MEGF11: variants seen among roughly 807,000 people sequenced by gnomAD.
MEGF11 encodes multiple EGF like domains 11.
In MEGF11, 126 loss-of-function variants were observed where a neutral mutation model predicts 146.6. The observed-to-expected ratio is 0.86, with a 90% CI of 0.74 to 1.00. The LOEUF is 1.00. Among genes scored for constraint, MEGF11 ranks in the 50% least tolerant of loss-of-function variants. The pLI is 0.00. For missense variants in MEGF11, 1,509 were observed against 1,521.2 expected (o/e 0.99, Z 0.13); for synonymous variants, 532 against 583.4 (o/e 0.91, Z 1.27).
chr15:66,217,688 G>T (rs1024147419), intron 1 of MEGF11, among the ~76,000 whole-genome samples: 1 of 152,200 alleles, frequency 6.6e-6, no homozygotes, highest in Non-Finnish European at 1.5e-5. Context: ...GTGACATTAG[G>T]CCCCTTGTTT....
At chr15:65,981,946 C>T (rs1307204217) in intron 6 of MEGF11, among the ~76,000 whole-genome samples, 1 of 152,178 alleles carries the variant, frequency 6.6e-6, no homozygotes, top group Non-Finnish European at 1.5e-5. Context: ...AGTGCCCACT[C>T]GGGCAGTCTC....
rs74874009 is a variant in MEGF11 at position 66,020,104 on chromosome 15, T to C, written c.395-37616A>G. Among the ~76,000 whole-genome samples the C allele has an allele frequency of 4.8e-3, 726 of 152,302 alleles. 12 individuals are homozygous for C. The highest frequency in any genetic ancestry group is 0.017 in the African/African-American group (692 of 41,566). On this transcript the variant is annotated intron_variant, in intron 5 of 25. Coordinates refer to ENST00000395614, the MANE Select transcript of MEGF11 (RefSeq NM_001385028.1). ...GTCCTGTAGGTGGTCCTGTAGGAGG[T>C]TGATTCTACCCTTGTACAGCACAGG...
intron 13 of MEGF11, among the ~76,000 whole-genome samples, chr15:65,927,668 A>G (rs2079419275): frequency 6.6e-6 from 1 of 152,192 alleles, no homozygotes; most frequent in African/African-American, 2.4e-5. Flanking sequence ...AGGGGAAGGA[A>G]TGATCCAGGC....
chr15:65,934,951 C>T (rs78149701), intron 10 of MEGF11, among the ~76,000 whole-genome samples: 4 of 152,140 alleles, frequency 2.6e-5, no homozygotes, highest in Non-Finnish European at 4.4e-5. Context: ...TCCCTGAATT[C>T]TGTGAACCTC....
intron 5 of MEGF11, among the ~76,000 whole-genome samples, chr15:66,020,676 T>A (rs2083079518): frequency 6.6e-6 from 1 of 152,174 alleles, no homozygotes; most frequent in South Asian, 2.1e-4. Context: ...CCCAATTCCC[T>A]CACTCCTGGA....
At chr15:66,250,797 C>T (rs781627393) in intron 1 of MEGF11, among the ~76,000 whole-genome samples, 6 of 151,920 alleles carry the variant, frequency 3.9e-5, no homozygotes, top group Non-Finnish European at 8.8e-5. Flanking sequence ...GTCCCAGCTA[C>T]TTGGGAGGCT....
intron 1 of MEGF11, among the ~76,000 whole-genome samples, chr15:66,244,044 A>C (rs1403373283): frequency 6.6e-6 from 1 of 152,058 alleles, no homozygotes; most frequent in Admixed American, 6.6e-5. Flanking sequence ...AGCCACTTGA[A>C]CTCTTTAACA....
chr15:65,961,331 T>G (rs752284678), intron 9 of MEGF11, among the ~76,000 whole-genome samples: 12 of 152,202 alleles, frequency 7.9e-5, no homozygotes, highest in Non-Finnish European at 1.8e-4. Context: ...TAATCACAAG[T>G]TAATAGGAAC....
At chr15:66,001,219 C>T (rs533194056) in intron 5 of MEGF11, among the ~76,000 whole-genome samples, 1 of 152,184 alleles carries the variant, frequency 6.6e-6, no homozygotes, top group Non-Finnish European at 1.5e-5. Context: ...GCTGGAGTCC[C>T]CCCACACATC....
intron 5 of MEGF11, among the ~76,000 whole-genome samples, chr15:66,018,051 A>C (rs1357896661): frequency 6.6e-6 from 1 of 152,192 alleles, no homozygotes; most frequent in East Asian, 1.9e-4. Context: ...GGGAGCGGGG[A>C]GGAAGGGCAC....
At chr15:66,108,600 C>T (rs950746968) in intron 4 of MEGF11, among the ~76,000 whole-genome samples, 10 of 152,128 alleles carry the variant, frequency 6.6e-5, no homozygotes, top group African/African-American at 1.9e-4. Flanking sequence ...AAATGAGGGA[C>T]GGGCCATCTG....
At chr15:66,185,450 A>G (rs1168214876) in intron 1 of MEGF11, among the ~76,000 whole-genome samples, 5 of 152,020 alleles carry the variant, frequency 3.3e-5, no homozygotes, top group Admixed American at 3.3e-4. Flanking sequence ...GTTTGGATAT[A>G]ATCATTTCCT....
rs188407986 is a variant in MEGF11 at position 66,001,656 on chromosome 15, C to T, written c.395-19168G>A. Among the ~76,000 whole-genome samples the T allele has an allele frequency of 7.0e-3, 1,065 of 152,068 alleles. 3 individuals are homozygous for T. Among genetic ancestry groups the T allele is most frequent in the Non-Finnish European group, 9.0e-3 (609 of 68,010 alleles). On this transcript the variant is annotated intron_variant, in intron 5 of 25. Coordinates refer to ENST00000395614, the MANE Select transcript of MEGF11 (RefSeq NM_001385028.1). Reference sequence around the variant, plus strand: ...CCCACCTTTCTTTCTCTCTCATCTCCCCTCTCAATGGCTGGGTCCTGAAGA... The same window carrying T: ...CCCACCTTTCTTTCTCTCTCATCTCTCCTCTCAATGGCTGGGTCCTGAAGA...
intron 5 of MEGF11, among the ~76,000 whole-genome samples, chr15:65,988,528 A>T (rs541524834): frequency 1.3e-5 from 2 of 152,292 alleles, no homozygotes; most frequent in East Asian, 3.9e-4. Context: ...GATGACACTG[A>T]GTTGTTCCAC....
rs576277332 is a variant in MEGF11 at position 66,199,367 on chromosome 15, G to A, written c.-9+54238C>T. Among the ~76,000 whole-genome samples the A allele has an allele frequency of 5.3e-4, 81 of 152,210 alleles. No individual in the cohort carries two copies. In the South Asian group the frequency reaches 0.016, roughly 29 times the overall value. On this transcript the variant is annotated intron_variant, in intron 1 of 25. Coordinates refer to ENST00000395614, the MANE Select transcript of MEGF11 (RefSeq NM_001385028.1). Reference sequence around the variant, plus strand: ...CCTCTCCTCCCAGTCCTAGTGCCCTGGGTGTTTTTCTAGCCTCCACGTCCG... The same window carrying A: ...CCTCTCCTCCCAGTCCTAGTGCCCTAGGTGTTTTTCTAGCCTCCACGTCCG...
At chr15:66,045,995 C>T (rs374560281) in intron 5 of MEGF11, among the ~76,000 whole-genome samples, 82 of 152,146 alleles carry the variant, frequency 5.4e-4, no homozygotes, top group African/African-American at 2.0e-3. Flanking sequence ...CCCAGCTACT[C>T]GGGAGGCTGA....
chr15:65,928,553 ATG>A (rs771012596), intron 12 of MEGF11, 26 bp from the exon 13 acceptor site: 12 of 1,523,214 alleles, frequency 7.9e-6, no homozygotes, highest in Non-Finnish European at 1.1e-5. Flanking sequence ...GGAGAGAAAA[ATG>A]ATCAGACCCA....
chr15:65,912,003 G>A lies in MEGF11; in HGVS notation c.2829+79C>T, dbSNP rs74023605. On this transcript the variant is annotated intron_variant, in intron 21 of 25. Coordinates refer to ENST00000395614, the MANE Select transcript of MEGF11 (RefSeq NM_001385028.1). ...ATGGACCCTCCATGTGGCGGGGGGC[G>A]TGCAGTTCCTTCCTGGGCAGAGGTG... 1,058 of 760,230 alleles carry A rather than the reference G, an allele frequency of 1.4e-3. 11 individuals carry two copies. The African/African-American group carries it at 0.017, about 12-fold the overall frequency. 47.1% of individuals were successfully genotyped at this position (760,230 alleles called of 1,614,324 possible).
chr15:66,113,227 G>A (rs2087530061), intron 4 of MEGF11, among the ~76,000 whole-genome samples: 1 of 152,106 alleles, frequency 6.6e-6, no homozygotes, highest in Admixed American at 6.5e-5. Context: ...TCCTAGGGTT[G>A]GCACAGTCCC....
Sources: allele counts gnomAD v4.1 joint callset (sites outside exome capture counted in the v4.1 genomes callset), GRCh38; gene constraint gnomAD v4.1.1; transcripts MANE v1.5; gene names NCBI Gene and HGNC (gene_info 2026-07-23, HGNC 2026-07-21).